Variants in NEGR1 observed in about 807,000 individuals in gnomAD.
NEGR1 encodes the protein IgLON family member 4.
A neutral mutation model predicts 40.9 loss-of-function variants in NEGR1; 10 were observed. The observed-to-expected ratio is 0.24, with a 90% CI of 0.15 to 0.42. The LOEUF is 0.42. Among genes scored for constraint, NEGR1 ranks in the 10% least tolerant of loss-of-function variants. The pLI is 1.00. For synonymous variants in NEGR1, 185 were observed against 166.8 expected, an observed-to-expected ratio of 1.11 and a Z score of -0.84; for missense variants, 352 against 438.9, an observed-to-expected ratio of 0.80 and a Z score of 1.77.
At chr1:71,905,098 A>C (rs1661240679) in intron 2 of NEGR1, among the ~76,000 whole-genome samples, 2 of 152,096 alleles carry the variant, frequency 1.3e-5, no homozygotes, top group Admixed American at 1.3e-4. Flanking sequence ...GCTCTGTCTT[A>C]AGCATAAAGA....
intron 6 of NEGR1, among the ~76,000 whole-genome samples, chr1:71,428,522 A>T (rs1247187842): frequency 6.6e-6 from 1 of 152,150 alleles, no homozygotes. Context: ...AAGATAATGA[A>T]TAATTTCATA....
chr1:72,040,577 C>CAAAAAAAAAAAAAAAAAA (rs5775102), intron 1 of NEGR1, among the ~76,000 whole-genome samples: 6 of 29,708 alleles, frequency 2.0e-4, no homozygotes, highest in Non-Finnish European at 3.0e-4. Flanking sequence ...GAGCACTGAC[C>CAAAAAAAAAAAAAAAAAA]AAAAAAAAAA....
intron 1 of NEGR1, among the ~76,000 whole-genome samples, chr1:72,020,266 A>G (rs569637784): frequency 6.6e-6 from 1 of 152,294 alleles, no homozygotes; most frequent in African/African-American, 2.4e-5. Context: ...AATCCTGAAC[A>G]CTTGCTTATC....
intron 4 of NEGR1, among the ~76,000 whole-genome samples, chr1:71,630,088 T>C (rs890197606): frequency 2.0e-5 from 3 of 151,996 alleles, no homozygotes; most frequent in Non-Finnish European, 2.9e-5. Context: ...CTTCTGGACA[T>C]ATAGAGCTAT....
chr1:71,694,916 C>G (rs1653425650), intron 4 of NEGR1, among the ~76,000 whole-genome samples: 1 of 151,696 alleles, frequency 6.6e-6, no homozygotes, highest in Non-Finnish European at 1.5e-5. Context: ...CTGTCTTGAA[C>G]CTGGCATGAT....
intron 3 of NEGR1, among the ~76,000 whole-genome samples, chr1:71,759,016 A>G (rs1191350437): frequency 6.6e-6 from 1 of 152,210 alleles, no homozygotes; most frequent in Non-Finnish European, 1.5e-5. Context: ...AATGTATTGC[A>G]TGGTTATAAT....
intron 4 of NEGR1, among the ~76,000 whole-genome samples, chr1:71,621,269 A>G (rs1274343727): frequency 6.6e-6 from 1 of 151,892 alleles, no homozygotes; most frequent in African/African-American, 2.4e-5. Flanking sequence ...ATCTTTCTGA[A>G]AGGCAGATGT....
At position 72,126,598 on chromosome 1, in the gene NEGR1, T is replaced by C. The variant is rs138269387; in HGVS notation, c.176+155721A>G. On this transcript the variant is annotated intron_variant, in intron 1 of 6. Coordinates refer to ENST00000357731, the MANE Select transcript of NEGR1 (RefSeq NM_173808.3). ...CTTTGGGACAGTTTTTCACCATCCCTGAGCCATTTCCTCCATAAAATGTTG... is the reference window on the plus strand; with the variant it reads ...CTTTGGGACAGTTTTTCACCATCCCCGAGCCATTTCCTCCATAAAATGTTG... 2.8e-4 allele frequency among the ~76,000 whole-genome samples: 43 copies of C among 152,296 alleles called. No homozygotes were observed. The East Asian group carries it at 7.9e-3, about 28-fold the overall frequency.
intron 2 of NEGR1, among the ~76,000 whole-genome samples, chr1:71,886,331 A>G (rs1200337050): frequency 6.6e-6 from 1 of 152,162 alleles, no homozygotes; most frequent in Non-Finnish European, 1.5e-5. Flanking sequence ...AGTAAAACCT[A>G]AAGTTTCTAT....
At chr1:72,186,335 C>T (rs1366129324) in intron 1 of NEGR1, among the ~76,000 whole-genome samples, 2 of 151,662 alleles carry the variant, frequency 1.3e-5, no homozygotes, top group African/African-American at 4.8e-5. Flanking sequence ...TAGTCTACTT[C>T]CCACTCATTC....
At chr1:71,632,254 C>T (rs1650992405) in intron 4 of NEGR1, among the ~76,000 whole-genome samples, 1 of 151,172 alleles carries the variant, frequency 6.6e-6, no homozygotes, top group African/African-American at 2.4e-5. Context: ...TATGCACGTA[C>T]ATATTATACA....
At chr1:72,225,584 A>C (rs1447080930) in intron 1 of NEGR1, among the ~76,000 whole-genome samples, 1 of 151,520 alleles carries the variant, frequency 6.6e-6, no homozygotes. Flanking sequence ...TAAGAAAAAT[A>C]TATATTTAAA....
chr1:71,614,781 C>T (rs1250588166), intron 4 of NEGR1, among the ~76,000 whole-genome samples: 2 of 152,046 alleles, frequency 1.3e-5, no homozygotes, highest in African/African-American at 2.4e-5. Context: ...AAAACCCAGG[C>T]GTAATGAACC....
intron 1 of NEGR1, among the ~76,000 whole-genome samples, chr1:72,260,078 C>T (rs1156248663): frequency 1.3e-5 from 2 of 152,092 alleles, no homozygotes; most frequent in Admixed American, 1.3e-4. Flanking sequence ...AATTTCCTTT[C>T]TGCTCCTTAG....
rs540766821 is a variant in NEGR1 at position 72,019,734 on chromosome 1, T to C, written c.177-84423A>G. On this transcript the variant is annotated intron_variant, in intron 1 of 6. Transcript: ENST00000357731. ...TACAATATCACATTTCTTCATTTTG[T>C]TCAATGCATCACTGTAAATTTCAAA... Among the ~76,000 whole-genome samples the C allele has an allele frequency of 9.2e-5, 14 of 152,380 alleles. No individual in the cohort carries two copies. In the East Asian group the frequency reaches 1.7e-3, roughly 19 times the overall value.
chr1:71,530,922 A>G (rs1647338985), intron 6 of NEGR1, among the ~76,000 whole-genome samples: 1 of 150,862 alleles, frequency 6.6e-6, no homozygotes, highest in Non-Finnish European at 1.5e-5. Context: ...TTTTTCCCCC[A>G]AATTTAACCT....
At chr1:71,428,658 T>G (rs888075299) in intron 6 of NEGR1, among the ~76,000 whole-genome samples, 1 of 148,946 alleles carries the variant, frequency 6.7e-6, no homozygotes, top group Non-Finnish European at 1.5e-5. Flanking sequence ...AAATTTATTT[T>G]TTATTATAAT....
chr1:71,435,401 A>T (rs538390198), intron 6 of NEGR1, among the ~76,000 whole-genome samples: 1 of 152,188 alleles, frequency 6.6e-6, no homozygotes, highest in Non-Finnish European at 1.5e-5. Context: ...AAATGCCAAG[A>T]TAACGAGAGA....
chr1:72,137,769 T>C (rs1444133500), intron 1 of NEGR1, among the ~76,000 whole-genome samples: 1 of 152,080 alleles, frequency 6.6e-6, no homozygotes, highest in East Asian at 1.9e-4. Context: ...TATAAACATA[T>C]TTCTCAAAAC....
Sources: gnomAD v4.1 joint callset for allele counts (sites outside exome capture counted in the v4.1 genomes callset) on GRCh38, gnomAD v4.1.1 for gene constraint, MANE v1.5 for transcripts, NCBI Gene and HGNC (gene_info 2026-07-23, HGNC 2026-07-21) for gene names.